Variants in PPARGC1A observed in about 807,000 individuals in gnomAD.
PPARGC1A encodes the protein peroxisome proliferator-activated receptor gamma coactivator 1-alpha.
Under a neutral mutation model 88.7 loss-of-function variants are expected in PPARGC1A, and 25 were observed. The observed-to-expected ratio is 0.28, with a 90% CI of 0.21 to 0.39. The LOEUF is 0.39. PPARGC1A is among the 10% of genes least tolerant of loss of function. PPARGC1A has a pLI of 1.00. For synonymous variants in PPARGC1A, 363 were observed against 355.6 expected, an observed-to-expected ratio of 1.02 and a Z score of -0.24; for missense variants, 880 against 968.7, an observed-to-expected ratio of 0.91 and a Z score of 1.22.
At chr4:24,413,252 T>TTTC in the PPARGC1A span, among the ~76,000 whole-genome samples, 1 of 151,722 alleles carries the variant, frequency 6.6e-6, no homozygotes, top group East Asian at 1.9e-4. Flanking sequence ...TTTTTTTTTT[T>TTTC]TTTTGCCTTA....
the PPARGC1A span, among the ~76,000 whole-genome samples, chr4:23,993,618 G>A: frequency 6.6e-6 from 1 of 152,092 alleles, no homozygotes; most frequent in South Asian, 2.1e-4. Flanking sequence ...TGAAACTGAG[G>A]CGTGGAAAAG....
At chr4:24,374,034 A>G in the PPARGC1A span, among the ~76,000 whole-genome samples, 5 of 152,220 alleles carry the variant, frequency 3.3e-5, no homozygotes, top group African/African-American at 1.2e-4. Context: ...TATTTTTCCA[A>G]TCCAAAAATA....
At chr4:23,920,662 A>T in the PPARGC1A span, among the ~76,000 whole-genome samples, 2 of 152,138 alleles carry the variant, frequency 1.3e-5, no homozygotes, top group East Asian at 1.9e-4. Context: ...TCTTCTCTCC[A>T]CTTCAACTTT....
chr4:24,073,424 T>C, the PPARGC1A span, among the ~76,000 whole-genome samples: 1 of 152,194 alleles, frequency 6.6e-6, no homozygotes, highest in African/African-American at 2.4e-5. Flanking sequence ...ATACAAACTT[T>C]GTCAGGCAAC....
the PPARGC1A span, among the ~76,000 whole-genome samples, chr4:23,911,579 A>C: frequency 6.6e-6 from 1 of 152,230 alleles, no homozygotes; most frequent in African/African-American, 2.4e-5. Flanking sequence ...AAATGTTGAT[A>C]AACTGAGATA....
chr4:23,833,997 T>G (rs974630365), intron 2 of PPARGC1A, among the ~76,000 whole-genome samples: 2 of 152,090 alleles, frequency 1.3e-5, no homozygotes, highest in Non-Finnish European at 2.9e-5. Flanking sequence ...AAACCTCGTC[T>G]CTATTAAAAA....
chr4:24,176,566 G>A, the PPARGC1A span, among the ~76,000 whole-genome samples: 1 of 152,154 alleles, frequency 6.6e-6, no homozygotes, highest in African/African-American at 2.4e-5. Flanking sequence ...ACAGAAGATA[G>A]AATCTATTCA....
chr4:24,429,958 G>T, the PPARGC1A span, among the ~76,000 whole-genome samples: 2 of 152,184 alleles, frequency 1.3e-5, no homozygotes, highest in Admixed American at 6.5e-5. Context: ...GTCTGACAGT[G>T]AGAATTTATC....
chr4:23,898,946 C>T (rs1263909267), intron 1 of PPARGC1A, among the ~76,000 whole-genome samples: 1 of 151,726 alleles, frequency 6.6e-6, no homozygotes, highest in Non-Finnish European at 1.5e-5. Context: ...AGCTATTCTC[C>T]TGCCTCAGCC....
At chr4:24,326,967 C>T in the PPARGC1A span, among the ~76,000 whole-genome samples, 1 of 152,200 alleles carries the variant, frequency 6.6e-6, no homozygotes, top group Non-Finnish European at 1.5e-5. Flanking sequence ...AGGCTTCCCA[C>T]CTCTATACAG....
chr4:24,370,732 G>A, the PPARGC1A span, among the ~76,000 whole-genome samples: 1 of 117,090 alleles, frequency 8.5e-6, no homozygotes, highest in Non-Finnish European at 1.7e-5. Context: ...CTTCCTCTCA[G>A]TTTCTCCTGT....
intron 2 of PPARGC1A, among the ~76,000 whole-genome samples, chr4:23,853,579 A>G (rs1295668640): frequency 6.6e-6 from 1 of 152,158 alleles, no homozygotes; most frequent in Non-Finnish European, 1.5e-5. Context: ...AGTGGTGATA[A>G]TGAGGAGGGA....
Position 23,814,024 on chromosome 4 carries a change from T to A in PPARGC1A, c.1459A>T (p.Ser487Cys). ...GAGAATTGTTCATTACTGAAATCAC[T>A]GTCCCTCAGTTCACCGGTCTTGTCT... ...EADKTGELRDSDFSNEQFSKL... is the reference protein window; with the variant it reads ...EADKTGELRDCDFSNEQFSKL... Residue 487 changes from serine to cysteine, a missense_variant, in exon 8 of 13, where the codon AGT becomes TGT. Coordinates refer to ENST00000264867, the MANE Select transcript of PPARGC1A (RefSeq NM_013261.5). 1.9e-6 allele frequency: 3 copies of A among 1,614,092 alleles called. No homozygotes were observed. The highest frequency in any genetic ancestry group is 2.5e-6 in the Non-Finnish European group (3 of 1,179,960).
At chr4:24,472,091 G>T in the PPARGC1A span, among the ~76,000 whole-genome samples, 1 of 152,184 alleles carries the variant, frequency 6.6e-6, no homozygotes, top group African/African-American at 2.4e-5. The surrounding 1 kb of genome is among the most constrained non-coding windows in gnomAD (Gnocchi z 4.5). Flanking sequence ...GCCGGCTCCT[G>T]CCTCTTTCTC....
chr4:24,152,369 G>C, the PPARGC1A span, among the ~76,000 whole-genome samples: 3 of 152,184 alleles, frequency 2.0e-5, no homozygotes, highest in Non-Finnish European at 4.4e-5. Context: ...GTGACACATG[G>C]TGAATGATCC....
the PPARGC1A span, among the ~76,000 whole-genome samples, chr4:24,135,593 C>G: frequency 3.4e-3 from 524 of 152,258 alleles, 2 homozygotes; most frequent in African/African-American, 0.012. Context: ...TAGAGTTTGA[C>G]TCCCTGTTCT....
At chr4:24,442,953 C>A in the PPARGC1A span, among the ~76,000 whole-genome samples, 1 of 152,126 alleles carries the variant, frequency 6.6e-6, no homozygotes, top group South Asian at 2.1e-4. Context: ...CTCTTAGGGA[C>A]GCAAAGACAA....
the PPARGC1A span, among the ~76,000 whole-genome samples, chr4:24,324,472 C>T: frequency 4.3e-3 from 653 of 152,208 alleles, 7 homozygotes; most frequent in African/African-American, 0.015. Flanking sequence ...GGGCTTGCCC[C>T]TTCACTATGG....
the PPARGC1A span, among the ~76,000 whole-genome samples, chr4:24,206,947 A>AT: frequency 6.9e-6 from 1 of 144,780 alleles, no homozygotes; most frequent in Non-Finnish European, 1.5e-5. Flanking sequence ...TATTTTTCAC[A>AT]TTTTTTTACA....
Sources: gnomAD v4.1 joint callset for allele counts (sites outside exome capture counted in the v4.1 genomes callset) on GRCh38, gnomAD v4.1.1 for gene constraint, Gnocchi (gnomAD v3.1) non-coding constraint, MANE v1.5 for transcripts, NCBI Gene and HGNC (gene_info 2026-07-23, HGNC 2026-07-21) for gene names.